Variants in PHLPP1 observed in about 807,000 individuals in gnomAD.
PHLPP1 encodes the protein PH domain leucine-rich repeat-containing protein phosphatase 1.
Under a neutral mutation model 117.2 loss-of-function variants are expected in PHLPP1, and 42 were observed. The observed-to-expected ratio is 0.36, with a 90% confidence interval of 0.28 to 0.46. The LOEUF (loss-of-function observed/expected upper bound fraction) is 0.46, where lower values mean the gene tolerates loss of function less well. PHLPP1 is among the 20% of genes least tolerant of loss of function. The pLI, the probability that PHLPP1 is intolerant of heterozygous loss-of-function variation, is 1.00. For synonymous variants in PHLPP1, 1,042 were observed against 970.7 expected (o/e 1.07, Z -1.37); for missense variants, 2,084 against 2,241.9 (o/e 0.93, Z 1.42).
At chr18:62,937,809 C>T (rs772523295) in intron 10 of PHLPP1, among the ~76,000 whole-genome samples, 2 of 152,110 alleles carry the variant, frequency 1.3e-5, no homozygotes, top group South Asian at 2.1e-4. Context: ...GTCAGGAGTT[C>T]GAGACCAGCC....
rs765159319 is a variant in PHLPP1, at chr18:62,860,598, A to G, written c.2063A>G (p.Gln688Arg). ...LPAARGLNEL[Q>R]RFTKLKSLNL... Reference sequence around the variant, plus strand: ...GCTGCCAGGGGGCTTAATGAACTGCAAAGGTAAGCCTGCAGAAATGGGTAG... The same window carrying G: ...GCTGCCAGGGGGCTTAATGAACTGCGAAGGTAAGCCTGCAGAAATGGGTAG... Residue 688 changes from glutamine (Q) to arginine (R), a missense_variant, in exon 4 of 17, where the codon CAA becomes CGA. This residue lies in a region of PHLPP1 where 1,365 missense variants were observed against 1,605.9 expected (regional missense o/e 0.85). Coordinates refer to ENST00000262719, the MANE Select transcript of PHLPP1 (RefSeq NM_194449.4). The G allele has an allele frequency of 5.0e-6, 8 of 1,611,732 alleles. No individual in the cohort carries two copies. Among genetic ancestry groups the G allele is most frequent in the Non-Finnish European group, 6.8e-6 (8 of 1,178,830 alleles).
intron 1 of PHLPP1, among the ~76,000 whole-genome samples, chr18:62,793,044 G>A (rs1005697435): frequency 7.2e-5 from 11 of 151,898 alleles, no homozygotes; most frequent in African/African-American, 2.7e-4. Context: ...GCATGGTGGT[G>A]CATGCCTGTA....
chr18:62,831,189 T>C (rs1473028506), intron 2 of PHLPP1, among the ~76,000 whole-genome samples: 1 of 152,150 alleles, frequency 6.6e-6, no homozygotes, highest in Non-Finnish European at 1.5e-5. Context: ...GAGTTATTTA[T>C]AAAGTCCCAA....
intron 6 of PHLPP1, among the ~76,000 whole-genome samples, chr18:62,896,586 T>TGC (rs1379297809): frequency 6.6e-6 from 1 of 152,082 alleles, no homozygotes; most frequent in Non-Finnish European, 1.5e-5. Context: ...TGAGCCACCA[T>TGC]GCCCGTCCTG....
intron 4 of PHLPP1, among the ~76,000 whole-genome samples, chr18:62,869,957 G>A (rs995423150): frequency 2.6e-5 from 4 of 151,996 alleles, no homozygotes; most frequent in Admixed American, 6.6e-5. Context: ...GCACGATCTC[G>A]CCTCGGCTTA....
chr18:62,883,300 G>A (rs573709185), intron 4 of PHLPP1, among the ~76,000 whole-genome samples: 1 of 152,174 alleles, frequency 6.6e-6, no homozygotes, highest in African/African-American at 2.4e-5. Flanking sequence ...CAGGCTGGGA[G>A]GGCGTGTTTG....
chr18:62,837,451 T>A (rs1914936681), intron 2 of PHLPP1, among the ~76,000 whole-genome samples: 1 of 152,210 alleles, frequency 6.6e-6, no homozygotes, highest in Non-Finnish European at 1.5e-5. Flanking sequence ...TAATATTATT[T>A]ATAAGTGTCT....
At chr18:62,914,425 CT>C (rs139834464) in intron 8 of PHLPP1, among the ~76,000 whole-genome samples, 2 of 152,160 alleles carry the variant, frequency 1.3e-5, no homozygotes, top group African/African-American at 4.8e-5. Context: ...TATGTCCTTC[CT>C]TCTTTTTAAA....
At chr18:62,872,227 A>T (rs1915922323) in intron 4 of PHLPP1, among the ~76,000 whole-genome samples, 2 of 152,242 alleles carry the variant, frequency 1.3e-5, no homozygotes, top group African/African-American at 2.4e-5. Flanking sequence ...AAATTGTGGA[A>T]AAGTAAGTCA....
At position 62,920,035 on chromosome 18, in the gene PHLPP1, A is replaced by G. The variant is rs775460935; in HGVS notation, c.2881A>G (p.Arg961Gly). The G allele has an allele frequency of 1.3e-5, 21 of 1,612,906 alleles. No individual in the cohort carries two copies. The East Asian group carries it at 1.3e-4, about 10-fold the overall frequency. ...QLARLPERLE[R>G]TSVEVLDVQH... ...GGCAAGGCTGCCTGAAAGGCTAGAAAGAACCTCGGTGGAGGTCTTGGATGT... is the reference window on the plus strand; with the variant it reads ...GGCAAGGCTGCCTGAAAGGCTAGAAGGAACCTCGGTGGAGGTCTTGGATGT... Residue 961 changes from arginine to glycine, a missense_variant, in exon 10 of 17, where the codon AGA becomes GGA. Physicochemically the swap from Arg to Gly is moderately radical, Grantham distance 125 (BLOSUM62 -2). Coordinates refer to ENST00000262719, the MANE Select transcript of PHLPP1 (RefSeq NM_194449.4).
At chr18:62,783,577 G>A (rs1913192025) in intron 1 of PHLPP1, among the ~76,000 whole-genome samples, 3 of 152,134 alleles carry the variant, frequency 2.0e-5, no homozygotes, top group Admixed American at 2.0e-4. Flanking sequence ...GTAACAAGAA[G>A]CTATTGTGCA....
chr18:62,772,691 C>T (rs1377610677), intron 1 of PHLPP1, among the ~76,000 whole-genome samples: 6 of 151,610 alleles, frequency 4.0e-5, no homozygotes, highest in Non-Finnish European at 7.4e-5. Context: ...ATTAGCTGGG[C>T]GTAGTGGCAC....
intron 4 of PHLPP1, among the ~76,000 whole-genome samples, chr18:62,880,673 A>G: frequency 6.6e-6 from 1 of 152,216 alleles, no homozygotes; most frequent in East Asian, 1.9e-4. Flanking sequence ...TAAAGAAACC[A>G]TCTCAAAACA....
chr18:62,932,171 C>T (rs2440195), intron 10 of PHLPP1, among the ~76,000 whole-genome samples: 85,299 of 151,954 alleles, frequency 0.56, 24,225 homozygotes, highest in Non-Finnish European at 0.61. Context: ...GGTGAATTCA[C>T]ATCCGAATTC....
At chr18:62,725,616 CTCTT>C (rs766643912) in intron 1 of PHLPP1, among the ~76,000 whole-genome samples, 4 of 151,000 alleles carry the variant, frequency 2.6e-5, no homozygotes, top group African/African-American at 7.3e-5. Context: ...CTTTCTCTCT[CTCTT>C]TCTGTCTCTT....
In PHLPP1 at chr18:62,915,294, A is replaced by G. The variant is rs113338337; in HGVS notation, c.2804+286A>G. 3.6e-3 allele frequency among the ~76,000 whole-genome samples: 555 copies of G among 152,318 alleles called. 4 individuals carry two copies. Among genetic ancestry groups the G allele is most frequent in the Middle Eastern group, 0.01 (3 of 294 alleles). ...CCAAAAACAATCTTTGAAGCAAACAATATGATTGGCCCACTTCTGGAATCT... is the reference window on the plus strand; with the variant it reads ...CCAAAAACAATCTTTGAAGCAAACAGTATGATTGGCCCACTTCTGGAATCT... On this transcript the variant is annotated intron_variant, in intron 9 of 16. Transcript: ENST00000262719.
intron 1 of PHLPP1, among the ~76,000 whole-genome samples, chr18:62,759,627 T>G (rs1019005372): frequency 4.6e-5 from 7 of 152,224 alleles, no homozygotes; most frequent in Non-Finnish European, 1.0e-4. Flanking sequence ...TTGGCTATGC[T>G]TTGATGGCTA....
At position 62,715,615 on chromosome 18, in the gene PHLPP1, T is replaced by C; in HGVS notation, c.-69T>C. ...CCGCGCGCCGCCGCCGTCTCCCACC[T>C]CCGCCTCATCGCCTCCCTCTCCGCC... On this transcript the variant is annotated 5_prime_UTR_variant, in exon 1 of 17. Transcript: ENST00000262719. 9.2e-7 allele frequency: 1 copy of C among 1,092,018 alleles called. No individual in the cohort carries two copies. The allele number at this position is 1,092,018 out of a possible 1,614,324, so 67.6% of individuals were successfully genotyped here.
intron 1 of PHLPP1, among the ~76,000 whole-genome samples, chr18:62,753,625 A>G (rs185362402): frequency 9.8e-4 from 150 of 152,326 alleles, no homozygotes; most frequent in Non-Finnish European, 1.7e-3. Context: ...TTAGAAATTC[A>G]TTAGTTACTA....
Sources: allele counts gnomAD v4.1 joint callset (sites outside exome capture counted in the v4.1 genomes callset), GRCh38; gene constraint gnomAD v4.1.1; regional missense constraint gnomAD v4.1.1; transcripts MANE v1.5; gene names NCBI Gene and HGNC (gene_info 2026-07-23, HGNC 2026-07-21).